The following TCF7L2 variants were observed in gnomAD, a reference collection of about 807,000 sequenced individuals.
The protein encoded by TCF7L2 is transcription factor 7-like 2.
Under a neutral mutation model 77.9 loss-of-function variants are expected in TCF7L2, and 23 were observed. The observed-to-expected ratio is 0.30, with a 90% CI of 0.21 to 0.42. The LOEUF (loss-of-function observed/expected upper bound fraction) is 0.42. Ranked by LOEUF, TCF7L2 falls within the 10% of genes least tolerant of loss-of-function variation. The probability of loss-of-function intolerance (pLI) is 1.00; values close to 1 mark genes in which losing one functional copy is unlikely to be tolerated. For synonymous variants in TCF7L2, 413 were observed against 340.2 expected, an observed-to-expected ratio of 1.21 and a Z score of -2.36; for missense variants, 654 against 793.1, an observed-to-expected ratio of 0.82 and a Z score of 2.11.
chr10:113,127,482 ACCTCCTTACTTCATT>A (rs1206418157), intron 5 of TCF7L2, among the ~76,000 whole-genome samples: 7 of 151,614 alleles, frequency 4.6e-5, no homozygotes, highest in African/African-American at 1.7e-4. Context: ...AGTTCCTCCC[ACCTCCTTACTTCATT>A]CCTCCTGCAC....
chr10:113,155,233 C>A (rs1219612202), intron 11 of TCF7L2, among the ~76,000 whole-genome samples: 11 of 152,132 alleles, frequency 7.2e-5, no homozygotes, highest in African/African-American at 1.4e-4. Flanking sequence ...GAGAAAACAT[C>A]TTGAGTCCCA....
At chr10:113,108,001 A>G (rs984757657) in intron 5 of TCF7L2, among the ~76,000 whole-genome samples, 1 of 152,178 alleles carries the variant, frequency 6.6e-6, no homozygotes, top group Non-Finnish European at 1.5e-5. Flanking sequence ...TATTTTCCTA[A>G]TAAAGATTCC....
At chr10:113,020,555 A>G (rs2048115799) in intron 4 of TCF7L2, among the ~76,000 whole-genome samples, 1 of 152,186 alleles carries the variant, frequency 6.6e-6, no homozygotes, top group Non-Finnish European at 1.5e-5. Flanking sequence ...TGGTGCAAAG[A>G]GCCAATTCCT....
At position 113,160,921 on chromosome 10, in the gene TCF7L2, A is replaced by T. The variant is rs1029205341; in HGVS notation, c.1391+230A>T. ...CATGAACAATATCCCTGGTGGCAGG[A>T]CTGAGACCACAGCCTTAACAAACAA... On this transcript the variant is annotated intron_variant, in intron 13 of 13. Coordinates refer to ENST00000627217, the MANE Select transcript of TCF7L2 (RefSeq NM_001146274.2). Among the ~76,000 whole-genome samples the T allele has an allele frequency of 5.8e-4, 88 of 152,136 alleles. 1 individual carries two copies. Among genetic ancestry groups the T allele is most frequent in the African/African-American group, 2.0e-3 (85 of 41,470 alleles).
chr10:113,060,749 T>C (rs933866197), intron 5 of TCF7L2, among the ~76,000 whole-genome samples: 3 of 152,004 alleles, frequency 2.0e-5, no homozygotes, highest in African/African-American at 4.8e-5. Flanking sequence ...GATCATGGAA[T>C]GCCCAAAATA....
At chr10:113,159,461 T>A (rs182970377) in intron 12 of TCF7L2, among the ~76,000 whole-genome samples, 23 of 152,300 alleles carry the variant, frequency 1.5e-4, no homozygotes, top group Non-Finnish European at 2.1e-4. Flanking sequence ...TAAACTATTG[T>A]ATTCTGAGAA....
chr10:112,972,946 C>T (rs572496600), intron 4 of TCF7L2, among the ~76,000 whole-genome samples: 45 of 152,278 alleles, frequency 3.0e-4, no homozygotes, highest in South Asian at 4.1e-4. Flanking sequence ...AGAGATTGTC[C>T]TACATAGGCT....
At chr10:113,035,326 T>A (rs7904948) in intron 4 of TCF7L2, among the ~76,000 whole-genome samples, 85 of 152,380 alleles carry the variant, frequency 5.6e-4, no homozygotes, top group African/African-American at 2.0e-3. Flanking sequence ...CTCGCCCATC[T>A]GACACAGGCA....
rs759279591 is a variant in TCF7L2, at chr10:112,964,552, A to G, written c.382-4A>G. 3.1e-6 allele frequency: 5 copies of G among 1,612,982 alleles called. No individual in the cohort carries two copies. Among genetic ancestry groups the G allele is most frequent in the African/African-American group, 1.3e-5 (1 of 74,864 alleles). ...GAACGCTTTGATTTGGTTTCTTTCT[A>G]CAGCTCCATTTTCAGTCCGGCAGCA... is the stretch of plus-strand genomic sequence containing the variant. On this transcript the variant is annotated splice_region_variant and splice_polypyrimidine_tract_variant and intron_variant, in intron 3 of 13. Transcript: ENST00000627217.
At chr10:113,138,511 A>C (rs898544662) in intron 5 of TCF7L2, among the ~76,000 whole-genome samples, 1 of 152,030 alleles carries the variant, frequency 6.6e-6, no homozygotes, top group Non-Finnish European at 1.5e-5. Context: ...TTTTCCCCAC[A>C]TCTCCCCTTA....
At chr10:113,137,169 C>T (rs2067543648) in intron 5 of TCF7L2, among the ~76,000 whole-genome samples, 1 of 152,094 alleles carries the variant, frequency 6.6e-6, no homozygotes, top group Non-Finnish European at 1.5e-5. Context: ...GAGGAGAGTG[C>T]CACTAATCAT....
intron 11 of TCF7L2, among the ~76,000 whole-genome samples, chr10:113,156,288 G>T (rs989810880): frequency 6.6e-6 from 1 of 152,016 alleles, no homozygotes; most frequent in Non-Finnish European, 1.5e-5. Context: ...CTAATTTTTT[G>T]TATTTTTAGT....
At chr10:113,092,931 G>C (rs2060553196) in intron 5 of TCF7L2, among the ~76,000 whole-genome samples, 1 of 152,166 alleles carries the variant, frequency 6.6e-6, no homozygotes, top group African/African-American at 2.4e-5. Context: ...CCCACAGCAT[G>C]GGTGTGATAG....
Position 113,166,036 on chromosome 10 carries a change from C to T in TCF7L2, c.*64C>T, listed in dbSNP as rs114631541. 1.3e-3 allele frequency: 1,763 copies of T among 1,397,232 alleles called. 17 individuals carry two copies. The African/African-American group carries it at 0.018, about 15-fold the overall frequency. The allele number at this position is 1,397,232 out of a possible 1,614,324, so 86.6% of individuals were successfully genotyped here. A position where few individuals can be genotyped will look rare whatever the true frequency, so the allele number is the denominator to read the frequency against. On this transcript the variant is annotated 3_prime_UTR_variant, in exon 14 of 14. Coordinates refer to ENST00000627217, the MANE Select transcript of TCF7L2 (RefSeq NM_001146274.2). Reference sequence around the variant, plus strand: ...TGTTTCACTTTTCTTAATTTGCCCCCCACCCCCACCTTGAAAGGTTTTGTT... The same window carrying T: ...TGTTTCACTTTTCTTAATTTGCCCCTCACCCCCACCTTGAAAGGTTTTGTT...
intron 5 of TCF7L2, among the ~76,000 whole-genome samples, chr10:113,105,323 G>A (rs889563656): frequency 3.3e-5 from 5 of 152,146 alleles, no homozygotes; most frequent in African/African-American, 1.2e-4. Context: ...GGGCCTCTTA[G>A]GGAGTCCCAG....
At chr10:113,075,957 GA>G (rs2058645699) in intron 5 of TCF7L2, among the ~76,000 whole-genome samples, 1 of 151,970 alleles carries the variant, frequency 6.6e-6, no homozygotes, top group South Asian at 2.1e-4. Flanking sequence ...CCAACATGGT[GA>G]AACCCTGTCT....
At chr10:113,061,795 C>T (rs11196213) in intron 5 of TCF7L2, among the ~76,000 whole-genome samples, 70,763 of 152,052 alleles carry the variant, frequency 0.47, 17,741 homozygotes, top group African/African-American at 0.61. Context: ...TGTTCGCTGG[C>T]GAACGCACTA....
At chr10:113,165,016 C>T (rs1197169367) in intron 13 of TCF7L2, among the ~76,000 whole-genome samples, 1 of 152,062 alleles carries the variant, frequency 6.6e-6, no homozygotes, top group African/African-American at 2.4e-5. Context: ...TACGAGGCGG[C>T]TGGGGAAGGA....
chr10:113,029,524 CTTTTTTTTTTT>C, intron 4 of TCF7L2, among the ~76,000 whole-genome samples: 1 of 130,196 alleles, frequency 7.7e-6, no homozygotes, highest in African/African-American at 2.9e-5. Flanking sequence ...CTCCATTCCT[CTTTTTTTTTTT>C]TTTTTTTTGA....
Sources: allele counts gnomAD v4.1 joint callset (sites outside exome capture counted in the v4.1 genomes callset), GRCh38; gene constraint gnomAD v4.1.1; transcripts MANE v1.5; gene names NCBI Gene and HGNC (gene_info 2026-07-23, HGNC 2026-07-21).